The following DOCK4 variants were observed in gnomAD, a reference collection of about 807,000 sequenced individuals.
DOCK4 encodes dedicator of cytokinesis 4, also known as dedicator of cytokinesis protein 4.
DOCK4 carries 97 observed loss-of-function variants against 268.1 expected under a neutral mutation model. The observed-to-expected ratio is 0.36, with a 90% CI of 0.31 to 0.43. DOCK4 has a LOEUF of 0.43. Ranked by LOEUF, DOCK4 falls within the 20% of genes least tolerant of loss-of-function variation. The pLI is 1.00. For synonymous variants in DOCK4, 954 were observed against 887.2 expected, an observed-to-expected ratio of 1.08 and a Z score of -1.34; for missense variants, 2,145 against 2,455.7, an observed-to-expected ratio of 0.87 and a Z score of 2.67.
At chr7:111,762,063 G>A (rs1797443496) in intron 39 of DOCK4, among the ~76,000 whole-genome samples, 1 of 151,918 alleles carries the variant, frequency 6.6e-6, no homozygotes, top group Admixed American at 6.6e-5. Flanking sequence ...TAAAAATCGG[G>A]GCATTTGCTC....
chr7:111,906,720 G>T (rs1791607785), intron 13 of DOCK4, among the ~76,000 whole-genome samples: 1 of 152,164 alleles, frequency 6.6e-6, no homozygotes, highest in South Asian at 2.1e-4. Context: ...TTGAAAAAGG[G>T]AGGGGGAAGG....
chr7:111,844,176 G>A (rs79483676), intron 25 of DOCK4, among the ~76,000 whole-genome samples: 3,403 of 152,280 alleles, frequency 0.022, 121 homozygotes, highest in African/African-American at 0.078. Flanking sequence ...TCAAGAGGCT[G>A]AGGCACGGAG....
At chr7:111,883,220 G>C (rs1807561305) in intron 16 of DOCK4, among the ~76,000 whole-genome samples, 1 of 152,140 alleles carries the variant, frequency 6.6e-6, no homozygotes, top group Non-Finnish European at 1.5e-5. Context: ...TGGAACCCTA[G>C]ATCACTGACC....
At chr7:112,149,142 G>C (rs769919088) in intron 1 of DOCK4, among the ~76,000 whole-genome samples, 3 of 152,166 alleles carry the variant, frequency 2.0e-5, no homozygotes, top group African/African-American at 4.8e-5. Flanking sequence ...TTTTTCAAGA[G>C]AGACTTATGA....
chr7:112,050,621 T>C (rs1048495635), intron 1 of DOCK4, among the ~76,000 whole-genome samples: 1 of 151,830 alleles, frequency 6.6e-6, no homozygotes, highest in African/African-American at 2.4e-5. Flanking sequence ...AATTCAAATG[T>C]TGGATTTCAT....
At chr7:111,919,305 T>C (rs1052344715) in intron 12 of DOCK4, among the ~76,000 whole-genome samples, 11 of 151,464 alleles carry the variant, frequency 7.3e-5, no homozygotes, top group Admixed American at 1.3e-4. Flanking sequence ...GGGGGAGTAA[T>C]AATAAACAGA....
At chr7:112,071,756 C>CAGGACATTCCTTT (rs1341615560) in intron 1 of DOCK4, among the ~76,000 whole-genome samples, 2 of 152,082 alleles carry the variant, frequency 1.3e-5, no homozygotes, top group Non-Finnish European at 1.5e-5. Flanking sequence ...CTTGCCTTAG[C>CAGGACATTCCTTT]AGAGGAAAAA....
intron 12 of DOCK4, among the ~76,000 whole-genome samples, chr7:111,920,846 T>C (rs541321042): frequency 2.2e-4 from 33 of 152,182 alleles, no homozygotes; most frequent in Admixed American, 5.2e-4. Flanking sequence ...GATAGGAATA[T>C]TAAAATAAGA....
chr7:111,946,102 G>T (rs1795597837), intron 8 of DOCK4, among the ~76,000 whole-genome samples: 1 of 152,134 alleles, frequency 6.6e-6, no homozygotes, highest in Non-Finnish European at 1.5e-5. Flanking sequence ...AGAAATAAAT[G>T]CACTAAAAGA....
At chr7:111,729,444 A>G (rs763518667) in intron 52 of DOCK4, among the ~76,000 whole-genome samples, 1 of 152,150 alleles carries the variant, frequency 6.6e-6, no homozygotes, top group Non-Finnish European at 1.5e-5. Flanking sequence ...CTGTAATCCC[A>G]GTTCCTCTGG....
At chr7:112,078,844 G>A (rs932896465) in intron 1 of DOCK4, among the ~76,000 whole-genome samples, 10 of 152,068 alleles carry the variant, frequency 6.6e-5, no homozygotes, top group Non-Finnish European at 1.5e-4. Context: ...TATAAAATAC[G>A]GCCGGGTGCG....
rs1341133728 is a variant in DOCK4 at position 111,782,553 on chromosome 7, A to G, written c.3585+311T>C. ...TACAGTGCTTTTTGCTAGGACAGCA[A>G]CAAGACTCTAGGAGGGTGAAGTAGT... On this transcript the variant is annotated intron_variant, in intron 35 of 52. Transcript: ENST00000428084. 2.0e-5 allele frequency among the ~76,000 whole-genome samples: 3 copies of G among 152,252 alleles called. No homozygotes were observed. The East Asian group carries it at 5.8e-4, about 29-fold the overall frequency.
At chr7:111,902,159 T>C (rs1791201026) in intron 13 of DOCK4, among the ~76,000 whole-genome samples, 1 of 152,192 alleles carries the variant, frequency 6.6e-6, no homozygotes, top group Non-Finnish European at 1.5e-5. Context: ...GAGAAACCAG[T>C]CTTATTACTT....
intron 22 of DOCK4, among the ~76,000 whole-genome samples, chr7:111,866,405 T>A (rs1805980299): frequency 6.6e-6 from 1 of 152,260 alleles, no homozygotes; most frequent in South Asian, 2.1e-4. Context: ...ACAGAATGAC[T>A]TCAGTAGAGT....
intron 1 of DOCK4, among the ~76,000 whole-genome samples, chr7:112,160,220 A>AAGAGGT (rs1352303985): frequency 4.6e-5 from 7 of 152,166 alleles, no homozygotes; most frequent in Non-Finnish European, 8.8e-5. Context: ...CTCATCTGTA[A>AAGAGGT]ACAGAGGCTC....
chr7:112,081,250 T>C (rs1808557146), intron 1 of DOCK4, among the ~76,000 whole-genome samples: 1 of 152,158 alleles, frequency 6.6e-6, no homozygotes, highest in Admixed American at 6.5e-5. Context: ...ACACACAGAA[T>C]GCAGGCAAGC....
At chr7:111,856,018 G>A (rs1339845763) in intron 23 of DOCK4, among the ~76,000 whole-genome samples, 2 of 152,138 alleles carry the variant, frequency 1.3e-5, no homozygotes, top group Non-Finnish European at 2.9e-5. Context: ...TTATCAGTCT[G>A]GTTTACAATG....
intron 1 of DOCK4, among the ~76,000 whole-genome samples, chr7:112,077,365 G>A (rs1808164148): frequency 2.6e-5 from 4 of 151,890 alleles, no homozygotes; most frequent in Non-Finnish European, 5.9e-5. Context: ...CTATGGGAAA[G>A]ACATCATATA....
At chr7:112,105,632 T>A (rs1811073556) in intron 1 of DOCK4, among the ~76,000 whole-genome samples, 1 of 151,832 alleles carries the variant, frequency 6.6e-6, no homozygotes, top group South Asian at 2.1e-4. Context: ...TCTTTCTTCT[T>A]TTTCTTTCTT....
Sources: allele counts gnomAD v4.1 joint callset (sites outside exome capture counted in the v4.1 genomes callset), GRCh38; gene constraint gnomAD v4.1.1; transcripts MANE v1.5; gene names NCBI Gene and HGNC (gene_info 2026-07-23, HGNC 2026-07-21).